Variants in TMX2 observed in about 807,000 individuals in gnomAD.
TMX2 encodes thioredoxin-related transmembrane protein 2.
A neutral mutation model predicts 33.4 loss-of-function variants in TMX2; 20 were observed. The observed-to-expected ratio is 0.60, with a 90% CI of 0.42 to 0.87. The LOEUF (loss-of-function observed/expected upper bound fraction) is 0.87. Among genes scored for constraint, TMX2 ranks in the 40% least tolerant of loss-of-function variants. The pLI, the probability that TMX2 is intolerant of heterozygous loss-of-function variation, is 0.00. For synonymous variants in TMX2, 166 were observed against 140.7 expected (o/e 1.18, Z -1.27); for missense variants, 340 against 370.7 (o/e 0.92, Z 0.68).
intron 1 of TMX2, among the ~76,000 whole-genome samples, chr11:57,737,160 G>A (rs549162368): frequency 6.6e-6 from 1 of 152,142 alleles, no homozygotes; most frequent in Non-Finnish European, 1.5e-5. Flanking sequence ...CAGGCCTGGC[G>A]CGGTGGCTCG....
At chr11:57,716,374 C>T (rs1265068402) in intron 1 of TMX2, among the ~76,000 whole-genome samples, 10 of 107,892 alleles carry the variant, frequency 9.3e-5, no homozygotes, top group Admixed American at 1.7e-4. Context: ...CCGGACGGGG[C>T]GGCTGGCCGG....
At chr11:57,714,566 G>A (rs1056966820) in intron 1 of TMX2, among the ~76,000 whole-genome samples, 2 of 151,926 alleles carry the variant, frequency 1.3e-5, no homozygotes, top group South Asian at 2.1e-4. Flanking sequence ...TAGCTGGTAA[G>A]GCCTTAGGAA....
At position 57,738,708 on chromosome 11, in the gene TMX2, C is replaced by A. The variant is rs774496524; in HGVS notation, c.486C>A (p.Phe162Leu). The A allele has an allele frequency of 1.2e-6, 2 of 1,614,142 alleles. No homozygotes were observed. Among genetic ancestry groups the A allele is most frequent in the East Asian group, 2.2e-5 (1 of 44,874 alleles). Residue 162 changes from phenylalanine (F) to leucine (L), a missense_variant, in exon 5 of 8, where the codon TTC becomes TTA. Coordinates refer to ENST00000278422, the MANE Select transcript of TMX2 (RefSeq NM_015959.4). ...RDKRVTWIVE[F>L]FANWSNDCQS... The stretch of plus-strand genomic sequence containing the variant: ...AGAGGGTCACTTGGATTGTGGAGTT[C>A]TTTGCCAATTGGTCTAATGACTGCC...
intron 1 of TMX2, among the ~76,000 whole-genome samples, chr11:57,733,844 A>T (rs1193632122): frequency 6.6e-6 from 1 of 152,134 alleles, no homozygotes; most frequent in East Asian, 1.9e-4. Context: ...GCCTTGGGTC[A>T]TCCCAGCATC....
chr11:57,736,937 C>A (rs773967795), intron 1 of TMX2, among the ~76,000 whole-genome samples: 3 of 151,556 alleles, frequency 2.0e-5, no homozygotes, highest in African/African-American at 7.3e-5. Context: ...TATTAATGGG[C>A]TATTATCAAG....
At chr11:57,739,391 T>C in intron 7 of TMX2, 131 bp downstream of exon 7, 1 of 834,646 alleles carries the variant, frequency 1.2e-6, no homozygotes, top group Non-Finnish European at 1.9e-6. Context: ...TTACTAGACC[T>C]CATGTTTTAA....
At chr11:57,716,551 G>A (rs1463451256) in intron 1 of TMX2, among the ~76,000 whole-genome samples, 148 of 124,940 alleles carry the variant, frequency 1.2e-3, no homozygotes, top group African/African-American at 4.2e-3. Context: ...CGGACGGGGC[G>A]GCTGGCCGGG....
chr11:57,723,802 C>CAAA (rs1209017764), intron 1 of TMX2, among the ~76,000 whole-genome samples: 7 of 68,854 alleles, frequency 1.0e-4, no homozygotes, highest in Non-Finnish European at 2.6e-4. Flanking sequence ...GACTCTGTCT[C>CAAA]AAAAATAATA....
intron 1 of TMX2, among the ~76,000 whole-genome samples, chr11:57,731,806 TCTGATAAGAATTTTAAAACTC>T (rs1217129291): frequency 1.3e-5 from 2 of 152,122 alleles, no homozygotes; most frequent in Non-Finnish European, 2.9e-5. Flanking sequence ...TGTATGTCAT[TCTGATAAGAATTTTAAAACTC>T]ACCCACCAGT....
At chr11:57,715,620 TTTC>T (rs1235875307) in intron 1 of TMX2, among the ~76,000 whole-genome samples, 1 of 144,186 alleles carries the variant, frequency 6.9e-6, no homozygotes, top group African/African-American at 2.6e-5. Context: ...TTCTTGGGTG[TTTC>T]TCGCAGAGGG....
intron 1 of TMX2, among the ~76,000 whole-genome samples, chr11:57,717,441 C>T (rs1947204582): frequency 1.3e-5 from 2 of 151,912 alleles, no homozygotes; most frequent in Non-Finnish European, 2.9e-5. Context: ...CAGACTCCGT[C>T]TGCAATCCCG....
intron 1 of TMX2, chr11:57,718,157 A>G (rs888209911): frequency 8.2e-7 from 1 of 1,221,108 alleles, no homozygotes; most frequent in African/African-American, 1.5e-5. Context: ...CAAAGACCAC[A>G]TGCTTGCCAT....
At chr11:57,717,068 C>T (rs1382248023) in intron 1 of TMX2, among the ~76,000 whole-genome samples, 4 of 144,470 alleles carry the variant, frequency 2.8e-5, no homozygotes, top group African/African-American at 5.5e-5. Context: ...CCGGACGGGG[C>T]GGCGGGGCAG....
chr11:57,737,950 T>C lies in TMX2; in HGVS notation c.288T>C (p.Phe96=), dbSNP rs1366934594. The C allele has an allele frequency of 6.2e-7, 1 of 1,614,216 alleles. No individual in the cohort carries two copies. The highest frequency in any genetic ancestry group is 8.5e-7 in the Non-Finnish European group (1 of 1,180,016). ...AACATATAGGCAACATTTTCATGTT[T>C]AGTAAAGTGGCCAACACAATTCTTT... ...VEQHIGNIFM[F]SKVANTILFF... The change falls in exon 3 of 8, where the codon TTT becomes TTC. Residue 96 remains phenylalanine, a synonymous_variant. Coordinates refer to ENST00000278422, the MANE Select transcript of TMX2 (RefSeq NM_015959.4).
chr11:57,734,157 CAAAAAAAAAAAA>C lies in TMX2; in HGVS notation c.190-3432_190-3421del, dbSNP rs60802364. 9.0e-4 allele frequency among the ~76,000 whole-genome samples: 45 copies of C among 49,768 alleles called. 1 individual carries two copies. The highest frequency in any genetic ancestry group is 5.3e-3 in the Admixed American group (15 of 2,834). 32.6% of individuals were successfully genotyped at this position (49,768 alleles called of 152,430 possible). A position where few individuals can be genotyped will look rare whatever the true frequency, so the allele number is the denominator to read the frequency against. The stretch of plus-strand genomic sequence containing the variant: ...CTGGGTGACAGAGAGACCCTGTCTC[CAAAAAAAAAAAA>C]AAAAAAAAAAAAAAAAAAGGACTGC... On this transcript the variant is annotated intron_variant, in intron 1 of 7. Transcript: ENST00000278422.
intron 1 of TMX2, among the ~76,000 whole-genome samples, chr11:57,720,469 C>T (rs147666583): frequency 2.0e-5 from 3 of 152,346 alleles, no homozygotes; most frequent in African/African-American, 7.2e-5. Flanking sequence ...TTAGCATGAT[C>T]TCTACTCACT....
chr11:57,737,227 C>G (rs1373314589), intron 1 of TMX2, among the ~76,000 whole-genome samples: 1 of 152,176 alleles, frequency 6.6e-6, no homozygotes, highest in Admixed American at 6.5e-5. Context: ...TGAGACCAGC[C>G]TGGCCAACAT....
chr11:57,740,155 A>G lies in TMX2; in HGVS notation c.801A>G (p.Leu267=), dbSNP rs570139851. Residue 267 remains leucine, a synonymous_variant, in exon 8 of 8, where the codon CTA becomes CTG. Transcript: ENST00000278422. ...AGCTATACCAGCGGGCCAAGAAACT[A>G]TCAAAGGCTGGAGACAATATCCCTG... ...LNELYQRAKK[L]SKAGDNIPEE... 3.6e-5 allele frequency: 58 copies of G among 1,613,994 alleles called. No homozygotes were observed. In the East Asian group the frequency reaches 6.2e-4, roughly 17 times the overall value.
rs1315233156 is a variant in TMX2, at chr11:57,712,681, C to T, written c.63C>T (p.Leu21=). ...VYSVPRLSRW[L]AQPYYLLSAL... The stretch of plus-strand genomic sequence containing the variant: ...CGGTGCCGCGACTTTCACGATGGCT[C>T]GCCCAACCTTACTACCTTCTGTCGG... Residue 21 remains leucine (L), a synonymous_variant, in exon 1 of 8, where the codon CTC becomes CTT. Transcript: ENST00000278422. The T allele has an allele frequency of 8.1e-6, 13 of 1,614,068 alleles. No homozygotes were observed. The highest frequency in any genetic ancestry group is 3.4e-6 in the Non-Finnish European group (4 of 1,180,034).
Sources: allele counts gnomAD v4.1 joint callset (sites outside exome capture counted in the v4.1 genomes callset), GRCh38; gene constraint gnomAD v4.1.1; transcripts MANE v1.5; gene names NCBI Gene and HGNC (gene_info 2026-07-23, HGNC 2026-07-21).